The following FLI1 variants were observed in gnomAD, a reference collection of about 807,000 sequenced individuals.
The protein encoded by FLI1 is Friend leukemia integration 1 transcription factor.
A neutral mutation model predicts 53.1 loss-of-function variants in FLI1; 13 were observed. That is an observed-to-expected ratio of 0.24 (90% CI 0.16 to 0.39). FLI1 has a LOEUF of 0.39. FLI1 is among the 10% of genes least tolerant of loss of function. The pLI is 1.00. For missense variants in FLI1, 424 were observed against 600.5 expected, an observed-to-expected ratio of 0.71 and a Z score of 3.07; for synonymous variants, 244 against 236.7, an observed-to-expected ratio of 1.03 and a Z score of -0.28.
intron 1 of FLI1, among the ~76,000 whole-genome samples, chr11:128,729,419 C>G (rs949352094): frequency 1.3e-5 from 2 of 152,244 alleles, no homozygotes; most frequent in Non-Finnish European, 2.9e-5. Flanking sequence ...CACACAGCCA[C>G]AGGCTTTGGC....
intron 3 of FLI1, 196 bp downstream of exon 3, chr11:128,768,468 C>T (rs1283186651): frequency 1.6e-6 from 1 of 610,724 alleles, no homozygotes; most frequent in African/African-American, 1.9e-5. Flanking sequence ...AATCACTTGT[C>T]AGGAGTTCAA....
At chr11:128,693,686 T>G, upstream of FLI1, 1 of 229,612 alleles carries the variant, frequency 4.4e-6, no homozygotes. Flanking sequence ...GGGAAGGTGA[T>G]GGGGGGAGGT....
chr11:128,754,287 A>G (rs1431856978), intron 1 of FLI1, among the ~76,000 whole-genome samples: 1 of 151,456 alleles, frequency 6.6e-6, no homozygotes, highest in Non-Finnish European at 1.5e-5. Context: ...GCACATATGC[A>G]TACCCAAAGC....
intron 2 of FLI1, among the ~76,000 whole-genome samples, chr11:128,762,746 C>T (rs1023120404): frequency 2.6e-5 from 4 of 152,140 alleles, no homozygotes; most frequent in East Asian, 1.9e-4. Context: ...CACCTGAGGT[C>T]GGGAGTTCGA....
chr11:128,730,145 A>G (rs1939634443), intron 1 of FLI1, among the ~76,000 whole-genome samples: 1 of 152,342 alleles, frequency 6.6e-6, no homozygotes, highest in South Asian at 2.1e-4. Context: ...TGATTTGTAT[A>G]TTATCACCAC....
intron 5 of FLI1, among the ~76,000 whole-genome samples, chr11:128,793,911 C>T (rs569452871): frequency 6.6e-6 from 1 of 152,308 alleles, no homozygotes; most frequent in South Asian, 2.1e-4. Flanking sequence ...CTCAGCCCAA[C>T]AATGACTCCT....
chr11:128,709,210 A>G (rs1401671212), intron 1 of FLI1, among the ~76,000 whole-genome samples: 1 of 152,232 alleles, frequency 6.6e-6, no homozygotes, highest in Non-Finnish European at 1.5e-5. Flanking sequence ...TTTTCTACCA[A>G]CCTTACTAAT....
At chr11:128,737,042 A>G (rs192525818) in intron 1 of FLI1, among the ~76,000 whole-genome samples, 23 of 152,376 alleles carry the variant, frequency 1.5e-4, no homozygotes, top group Non-Finnish European at 2.6e-4. Flanking sequence ...TTTCTGTGAA[A>G]GAATATGGAT....
intron 1 of FLI1, among the ~76,000 whole-genome samples, chr11:128,695,111 G>A (rs1937995642): frequency 6.6e-6 from 1 of 152,184 alleles, no homozygotes; most frequent in Non-Finnish European, 1.5e-5. Context: ...TCCGTTGCAG[G>A]GGCCGGCTGT....
At position 128,795,697 on chromosome 11, in the gene FLI1, C is replaced by CCCA. The variant is rs528520717; in HGVS notation, c.656-9661_656-9659dup. 8.2e-3 allele frequency among the ~76,000 whole-genome samples: 1,245 copies of CCCA among 151,958 alleles called. 10 individuals are homozygous for CCCA. The highest frequency in any genetic ancestry group is 0.012 in the Non-Finnish European group (840 of 67,972). On this transcript the variant is annotated intron_variant, in intron 5 of 8. Coordinates refer to ENST00000527786, the MANE Select transcript of FLI1 (RefSeq NM_002017.5). ...TCCCGAGTAGCTGGGACTACAGGCA[C>CCCA]CCACCACCACGCCCAACTAATTTTT... is the stretch of plus-strand genomic sequence containing the variant.
At chr11:128,808,643 G>A (rs1942853502) in intron 7 of FLI1, among the ~76,000 whole-genome samples, 2 of 152,126 alleles carry the variant, frequency 1.3e-5, no homozygotes, top group East Asian at 1.9e-4. Flanking sequence ...CCCAGAAATT[G>A]TCCAACAAGT....
intron 1 of FLI1, among the ~76,000 whole-genome samples, chr11:128,757,495 C>G (rs1313112803): frequency 6.6e-6 from 1 of 152,178 alleles, no homozygotes; most frequent in Non-Finnish European, 1.5e-5. Context: ...CACCCCCACA[C>G]CAGATCTTCT....
intron 2 of FLI1, chr11:128,764,604 G>T: frequency 6.6e-7 from 1 of 1,511,286 alleles, no homozygotes; most frequent in Non-Finnish European, 8.9e-7. Flanking sequence ...GCAAAACCTC[G>T]TCCCGCACTC....
At chr11:128,717,679 AG>A (rs1939076279) in intron 1 of FLI1, among the ~76,000 whole-genome samples, 1 of 152,228 alleles carries the variant, frequency 6.6e-6, no homozygotes, top group Non-Finnish European at 1.5e-5. Context: ...CATTCACTCC[AG>A]GCCATACATC....
intron 5 of FLI1, among the ~76,000 whole-genome samples, chr11:128,796,712 C>T (rs1001099689): frequency 3.3e-5 from 5 of 152,220 alleles, no homozygotes; most frequent in African/African-American, 9.6e-5. Context: ...TGGTGGCTCA[C>T]GCCTGTAATC....
chr11:128,791,534 G>A lies in FLI1; in HGVS notation c.655+9511G>A, dbSNP rs143574696. 2.4e-3 allele frequency among the ~76,000 whole-genome samples: 363 copies of A among 152,328 alleles called. 1 individual carries two copies. Among genetic ancestry groups the A allele is most frequent in the Middle Eastern group, 3.4e-3 (1 of 294 alleles). ...TCTTCTGTCTTGTGAGACGGGAAGC[G>A]TCTTGAAGGTAGGGACTATTGGATG... On this transcript the variant is annotated intron_variant, in intron 5 of 8. Coordinates refer to ENST00000527786, the MANE Select transcript of FLI1 (RefSeq NM_002017.5).
intron 2 of FLI1, among the ~76,000 whole-genome samples, chr11:128,764,056 C>T (rs73573735): frequency 0.14 from 20,674 of 152,138 alleles, 2,245 homozygotes; most frequent in African/African-American, 0.31. Context: ...ACTTTGGCCA[C>T]GTGAACATCA....
intron 5 of FLI1, among the ~76,000 whole-genome samples, chr11:128,783,958 T>G (rs1167755436): frequency 6.9e-6 from 1 of 145,246 alleles, no homozygotes; most frequent in African/African-American, 2.6e-5. Context: ...GGAAGGAAGA[T>G]AGGGAGGGAG....
chr11:128,723,485 A>C (rs1185105206), intron 1 of FLI1, among the ~76,000 whole-genome samples: 1 of 152,174 alleles, frequency 6.6e-6, no homozygotes, highest in Non-Finnish European at 1.5e-5. Context: ...TTTGTGCACA[A>C]GGATGGAGAC....
Sources: allele counts gnomAD v4.1 joint callset (sites outside exome capture counted in the v4.1 genomes callset), GRCh38; gene constraint gnomAD v4.1.1; transcripts MANE v1.5; gene names NCBI Gene and HGNC (gene_info 2026-07-23, HGNC 2026-07-21).